DSP: variants seen among roughly 807,000 people sequenced by gnomAD.
DSP encodes the protein 250/210 kDa paraneoplastic pemphigus antigen.
A neutral mutation model predicts 290.6 loss-of-function variants in DSP; 114 were observed. The observed-to-expected ratio is 0.39, with a 90% CI of 0.34 to 0.46. The LOEUF is 0.46. Among genes scored for constraint, DSP ranks in the 20% least tolerant of loss-of-function variants. DSP has a pLI of 0.99. For synonymous variants in DSP, 1,311 were observed against 1,316.4 expected (o/e 1.00, Z 0.09); for missense variants, 3,230 against 3,495.8 (o/e 0.92, Z 1.92).
At chr6:7,554,127 C>CACACACACACACACACACT (rs1171658955) in intron 1 of DSP, among the ~76,000 whole-genome samples, 1 of 23,968 alleles carries the variant, frequency 4.2e-5, no homozygotes, top group African/African-American at 1.9e-4. Context: ...ACACACACAC[C>CACACACACACACACACACT]CAGTTGGTTA....
chr6:7,581,201 G>C lies in DSP; in HGVS notation c.5011G>C (p.Glu1671Gln). The C allele has an allele frequency of 6.2e-7, 1 of 1,614,146 alleles. No individual in the cohort carries two copies. Among genetic ancestry groups the C allele is most frequent in the Non-Finnish European group, 8.5e-7 (1 of 1,180,038 alleles). ...VEALRRQLLQ[E>Q]QESVKQAHLR... ...GGCCCTGAGGCGGCAGTTACTCCAG[G>C]AACAGGAAAGTGTCAAACAAGCTCA... Residue 1671 changes from glutamate (E) to glutamine (Q), a missense_variant, in exon 23 of 24, where the codon GAA becomes CAA. This residue lies in a region of DSP where 1,714 missense variants were observed against 1,844.5 expected (regional missense o/e 0.93). Coordinates refer to ENST00000379802, the MANE Select transcript of DSP (RefSeq NM_004415.4).
chr6:7,554,755 C>T (rs1220676185), intron 1 of DSP, among the ~76,000 whole-genome samples: 1 of 152,142 alleles, frequency 6.6e-6, no homozygotes. Flanking sequence ...AGTGATCCTC[C>T]CACCTCAGCT....
rs79313344 is a variant in DSP, at chr6:7,574,429, C to T, written c.2297+177C>T. On this transcript the variant is annotated intron_variant, in intron 16 of 23. Transcript: ENST00000379802. The stretch of plus-strand genomic sequence containing the variant: ...AGCCTCGCATGTTAATTCCACTATT[C>T]TGAACTATAATGTTATCTTAGAACT... 4.1e-4 allele frequency among the ~76,000 whole-genome samples: 63 copies of T among 152,220 alleles called. No individual in the cohort carries two copies. The East Asian group carries it at 9.8e-3, about 24-fold the overall frequency.
At position 7,584,686 on chromosome 6, in the gene DSP, A is replaced by G; in HGVS notation, c.7424A>G (p.Lys2475Arg). 6.2e-7 allele frequency: 1 copy of G among 1,614,190 alleles called. No homozygotes were observed. Residue 2475 changes from lysine (K) to arginine (R), a missense_variant, in exon 24 of 24, where the codon AAA becomes AGA. Lys to Arg is a conservative substitution (Grantham distance 26). Transcript: ENST00000379802. This position sits in a 1 kb window ranked among gnomAD's most constrained non-coding sequence, Gnocchi z 6.4. ...RVVIVDPETNKEMSVQEAYKK... is the reference protein window; with the variant it reads ...RVVIVDPETNREMSVQEAYKK... ...GTCATAGTTGACCCAGAAACCAATAAAGAAATGTCTGTTCAGGAGGCCTAC... is the reference window on the plus strand; with the variant it reads ...GTCATAGTTGACCCAGAAACCAATAGAGAAATGTCTGTTCAGGAGGCCTAC...
intron 1 of DSP, 71 bp from the exon 2 acceptor site, chr6:7,555,647 G>T: frequency 1.1e-5 from 16 of 1,463,714 alleles, no homozygotes; most frequent in East Asian, 4.7e-5. Flanking sequence ...TGCAACTTTT[G>T]CAAGTTTGAA....
At position 7,585,573 on chromosome 6, in the gene DSP, G is replaced by T; in HGVS notation, c.8311G>T (p.Ala2771Ser). Residue 2771 changes from alanine to serine, a missense_variant, in exon 24 of 24, where the codon GCC (alanine) becomes TCC (serine). This residue lies in a region of DSP where 582 missense variants were observed against 555.4 expected (regional missense o/e 1.05). Transcript: ENST00000379802. ...GAGGCTGCAAGACACCAGCAGCTAT[G>T]CCAAAATCCTGACCTGCCCCAAAAC... is the stretch of plus-strand genomic sequence containing the variant. ...AQRLQDTSSYAKILTCPKTKL... is the reference protein window; with the variant it reads ...AQRLQDTSSYSKILTCPKTKL... 2 of 1,614,174 alleles carry T rather than the reference G, an allele frequency of 1.2e-6. No individual in the cohort carries two copies. The highest frequency in any genetic ancestry group is 1.7e-6 in the Non-Finnish European group (2 of 1,180,028).
At chr6:7,556,516 T>C (rs1259151098) in intron 2 of DSP, among the ~76,000 whole-genome samples, 1 of 152,210 alleles carries the variant, frequency 6.6e-6, no homozygotes, top group Non-Finnish European at 1.5e-5. Context: ...CCTGAGTCAC[T>C]GAATCTTTTC....
intron 1 of DSP, among the ~76,000 whole-genome samples, chr6:7,544,551 T>C (rs1292765127): frequency 2.6e-5 from 4 of 152,104 alleles, no homozygotes; most frequent in Admixed American, 6.5e-5. Context: ...TAAACTCATT[T>C]ATTTCAAAAA....
In DSP at chr6:7,579,489, G is replaced by C. The variant is rs1204218279; in HGVS notation, c.3299G>C (p.Cys1100Ser). The C allele has an allele frequency of 6.2e-7, 1 of 1,613,992 alleles. No individual in the cohort carries two copies. Among genetic ancestry groups the C allele is most frequent in the East Asian group, 2.2e-5 (1 of 44,876 alleles). ...TCGGCTAAGCAAAATCTAGACAAGT[G>C]CTACGGCCAAATAAAAGAACTCAAT... ...GKSAKQNLDK[C>S]YGQIKELNEK... Residue 1100 changes from cysteine (C) to serine (S), a missense_variant, in exon 23 of 24, where the codon TGC becomes TCC. Around this residue, in one of 5 missense-constraint regions of DSP, gnomAD observed 1,714 missense variants for 1,844.5 expected, o/e 0.93. Coordinates refer to ENST00000379802, the MANE Select transcript of DSP (RefSeq NM_004415.4). The surrounding 1 kb of genome is among the most constrained non-coding windows in gnomAD (Gnocchi z 4.1).
intron 14 of DSP, 54 bp from the exon 15 acceptor site, chr6:7,571,788 C>A: frequency 6.4e-7 from 1 of 1,568,980 alleles, no homozygotes; most frequent in Non-Finnish European, 8.7e-7. Flanking sequence ...TGAGGCCTAG[C>A]ACCTTGATAC....
At chr6:7,549,016 T>A (rs1758256250) in intron 1 of DSP, among the ~76,000 whole-genome samples, 1 of 152,124 alleles carries the variant, frequency 6.6e-6, no homozygotes, top group Non-Finnish European at 1.5e-5. Context: ...GTGTTTAAAC[T>A]AATGCAAGAG....
intron 2 of DSP, among the ~76,000 whole-genome samples, chr6:7,556,134 A>C (rs988415931): frequency 6.6e-6 from 1 of 152,216 alleles, no homozygotes; most frequent in Non-Finnish European, 1.5e-5. Flanking sequence ...CCCTTCTGAG[A>C]AATGCAACCT....
chr6:7,584,890 T>A lies in DSP; in HGVS notation c.7628T>A (p.Phe2543Tyr), dbSNP rs1243456706. The A allele has an allele frequency of 3.1e-6, 5 of 1,614,038 alleles. No homozygotes were observed. The highest frequency in any genetic ancestry group is 4.2e-6 in the Non-Finnish European group (5 of 1,180,024). Residue 2543 changes from phenylalanine to tyrosine, a missense_variant, in exon 24 of 24, where the codon TTC becomes TAC. Physicochemically the swap from Phe to Tyr is conservative, Grantham distance 22. Around this residue, in one of 5 missense-constraint regions of DSP, gnomAD observed 582 missense variants for 555.4 expected, o/e 1.05. Coordinates refer to ENST00000379802, the MANE Select transcript of DSP (RefSeq NM_004415.4). This position sits in a 1 kb window ranked among gnomAD's most constrained non-coding sequence, Gnocchi z 6.4. Reference protein sequence around the residue: ...AIDKGLVDRKFFDQYRSGSLS... With the variant: ...AIDKGLVDRKYFDQYRSGSLS... ...GACAAGGGCCTTGTTGACAGGAAGT[T>A]CTTTGATCAGTACCGATCCGGCAGC...
At position 7,569,150 on chromosome 6, in the gene DSP, G is replaced by A. The variant is rs912893755; in HGVS notation, c.1420-36G>A. 5.6e-6 allele frequency: 9 copies of A among 1,613,880 alleles called. No homozygotes were observed. In the African/African-American group the frequency reaches 8.0e-5, roughly 14 times the overall value. On this transcript the variant is annotated intron_variant, in intron 11 of 23. Transcript: ENST00000379802. ...AAAAAAAATAAAAACACATACTTAT[G>A]AATAAAGCCAAACCCTGGGGTTGCT... is the stretch of plus-strand genomic sequence containing the variant.
At chr6:7,553,635 C>G (rs1317578363) in intron 1 of DSP, among the ~76,000 whole-genome samples, 1 of 152,160 alleles carries the variant, frequency 6.6e-6, no homozygotes, top group Non-Finnish European at 1.5e-5. Context: ...AGTTGGAATT[C>G]TGCACAAGTT....
Position 7,583,559 on chromosome 6 carries a change from A to G in DSP, c.6297A>G (p.Pro2099=), listed in dbSNP as rs1759525136. ...AAGCTATCACTGGTTTTGATGATCC[A>G]TTTTCAGGCAAGACAGTATCTGTTT... ...AEKAITGFDD[P]FSGKTVSVSE... is the part of the protein sequence containing the mutation. The change falls in exon 24 of 24, where the codon CCA becomes CCG. Residue 2099 remains proline, a synonymous_variant. Transcript: ENST00000379802. This position sits in a 1 kb window ranked among gnomAD's most constrained non-coding sequence, Gnocchi z 4.0. 2 of 1,614,180 alleles carry G rather than the reference A, an allele frequency of 1.2e-6. No individual in the cohort carries two copies.
rs774832931 is a variant in DSP, at chr6:7,583,812, G to T, written c.6550G>T (p.Val2184Leu). 1 of 1,614,124 alleles carries T rather than the reference G, an allele frequency of 6.2e-7. No homozygotes were observed. Among genetic ancestry groups the T allele is most frequent in the East Asian group, 2.2e-5 (1 of 44,882 alleles). The change falls in exon 24 of 24, where the codon GTG becomes TTG. Residue 2184 changes from valine (V) to leucine (L), a missense_variant. Physicochemically the swap from Val to Leu is conservative, Grantham distance 32 (BLOSUM62 1). Transcript: ENST00000379802. The surrounding 1 kb of genome is among the most constrained non-coding windows in gnomAD (Gnocchi z 4.0). ...AGTCACCAAAAAGAAGGTCAGTTACGTGCAGCTGAAGGAACGGTGCAGAAT... is the reference window on the plus strand; with the variant it reads ...AGTCACCAAAAAGAAGGTCAGTTACTTGCAGCTGAAGGAACGGTGCAGAAT... ...DPVTKKKVSY[V>L]QLKERCRIEP...
rs376185352 is a variant in DSP, at chr6:7,562,739, G to T, written c.685G>T (p.Gly229Cys). Reference sequence around the variant, plus strand: ...CCACCGGGGCATCCACAACTCCATCGGCGACTATCGCTGGCAGCTGGACAA... The same window carrying T: ...CCACCGGGGCATCCACAACTCCATCTGCGACTATCGCTGGCAGCTGGACAA... ...NSHRGIHNSI[G>C]DYRWQLDKIK... Residue 229 changes from glycine to cysteine, a missense_variant, in exon 5 of 24, where the codon GGC becomes TGC. By Grantham distance (159) the Gly-to-Cys change is radical (BLOSUM62 -3). Transcript: ENST00000379802. 2.5e-6 allele frequency: 4 copies of T among 1,613,986 alleles called. No individual in the cohort carries two copies. Among genetic ancestry groups the T allele is most frequent in the Non-Finnish European group, 3.4e-6 (4 of 1,180,006 alleles).
Position 7,571,339 on chromosome 6 carries a change from G to C in DSP, c.1702-44G>C, listed in dbSNP as rs745419208. The C allele has an allele frequency of 1.9e-6, 3 of 1,609,444 alleles. No homozygotes were observed. In the South Asian group the frequency reaches 3.3e-5, roughly 18 times the overall value. ...GCCAACTCTTCTTGATTGCATTGTG[G>C]GGCAGTCATAAATCCCAAATCACTT... On this transcript the variant is annotated intron_variant, in intron 13 of 23. Coordinates refer to ENST00000379802, the MANE Select transcript of DSP (RefSeq NM_004415.4).
Sources: allele counts gnomAD v4.1 joint callset (sites outside exome capture counted in the v4.1 genomes callset), GRCh38; gene constraint gnomAD v4.1.1; regional missense constraint gnomAD v4.1.1; non-coding constraint Gnocchi (gnomAD v3.1); transcripts MANE v1.5; gene names NCBI Gene and HGNC (gene_info 2026-07-23, HGNC 2026-07-21).